Variants in PCNX2 observed in about 807,000 individuals in gnomAD.
The protein encoded by PCNX2 is pecanex-like protein 2.
A neutral mutation model predicts 223.8 loss-of-function variants in PCNX2; 168 were observed. The observed-to-expected ratio is 0.75, with a 90% CI of 0.66 to 0.85. The LOEUF is 0.85. Among genes scored for constraint, PCNX2 ranks in the 40% least tolerant of loss-of-function variants. PCNX2 has a pLI of 0.00. For missense variants in PCNX2, 2,507 were observed against 2,675.5 expected (o/e 0.94, Z 1.39); for synonymous variants, 1,006 against 1,052.6 (o/e 0.96, Z 0.86).
chr1:233,187,652 C>T (rs180683524), intron 15 of PCNX2, among the ~76,000 whole-genome samples: 12 of 152,292 alleles, frequency 7.9e-5, no homozygotes, highest in East Asian at 5.8e-4. Flanking sequence ...TCAGTGTCAG[C>T]TGACACCATC....
chr1:233,076,072 G>A (rs901509668), intron 23 of PCNX2, among the ~76,000 whole-genome samples: 1 of 152,186 alleles, frequency 6.6e-6, no homozygotes, highest in African/African-American at 2.4e-5. Flanking sequence ...AAATGAAGAG[G>A]CAGACAGTTT....
At chr1:233,015,840 C>T (rs976517320) in intron 27 of PCNX2, among the ~76,000 whole-genome samples, 1 of 151,682 alleles carries the variant, frequency 6.6e-6, no homozygotes, top group African/African-American at 2.4e-5. Flanking sequence ...TTCTGCTGCA[C>T]TCCAGCCTAA....
Position 233,017,027 on chromosome 1 carries a change from A to C in PCNX2, c.4733T>G (p.Ile1578Ser), listed in dbSNP as rs1409395618. Reference protein sequence around the residue: ...YIERDLAMFNINIDDDYVPCL... With the variant: ...YIERDLAMFNSNIDDDYVPCL... ...CGGGACGTAGTCATCATCAATGTTAATGTTGAACATTGCAAGGTCACGCTC... is the reference window on the plus strand; with the variant it reads ...CGGGACGTAGTCATCATCAATGTTACTGTTGAACATTGCAAGGTCACGCTC... The change falls in exon 27 of 34, where the codon ATT becomes AGT. Residue 1578 changes from isoleucine to serine, a missense_variant. Ile to Ser is a moderately radical substitution (Grantham distance 142). Transcript: ENST00000258229. 1 of 1,614,016 alleles carries C rather than the reference A, an allele frequency of 6.2e-7. No individual in the cohort carries two copies. The highest frequency in any genetic ancestry group is 2.2e-5 in the East Asian group (1 of 44,880).
At chr1:233,318,347 A>T in the PCNX2 span, among the ~76,000 whole-genome samples, 6 of 152,038 alleles carry the variant, frequency 3.9e-5, no homozygotes, top group African/African-American at 1.4e-4. Context: ...GCAGTTTTTC[A>T]TCTCTCCTCA....
intron 21 of PCNX2, among the ~76,000 whole-genome samples, chr1:233,111,031 G>A (rs962295284): frequency 6.6e-6 from 1 of 152,266 alleles, no homozygotes; most frequent in Non-Finnish European, 1.5e-5. Context: ...TCCCCTCAAA[G>A]ATTATCCTGT....
intron 26 of PCNX2, among the ~76,000 whole-genome samples, chr1:233,017,636 G>T (rs1207869803): frequency 6.6e-6 from 1 of 150,712 alleles, no homozygotes; most frequent in Admixed American, 6.6e-5. Flanking sequence ...TCTCTTAAGG[G>T]TTATCTTCAA....
chr1:233,284,917 G>T (rs1481294965), intron 1 of PCNX2: 3 of 957,930 alleles, frequency 3.1e-6, no homozygotes, highest in Non-Finnish European at 3.7e-6. Flanking sequence ...AGGGTCATGG[G>T]GGGGATGATA....
intron 21 of PCNX2, among the ~76,000 whole-genome samples, chr1:233,118,172 G>A (rs943547830): frequency 6.6e-6 from 1 of 152,052 alleles, no homozygotes; most frequent in South Asian, 2.1e-4. Flanking sequence ...AAAAGCATTT[G>A]ACAAAATGGA....
intron 13 of PCNX2, chr1:233,202,088 A>T: frequency 2.3e-6 from 1 of 431,890 alleles, no homozygotes; most frequent in Non-Finnish European, 4.7e-6. Context: ...GAGGGAGTCC[A>T]TGTGTCTCAT....
intron 10 of PCNX2, among the ~76,000 whole-genome samples, chr1:233,219,558 G>A (rs1207619396): frequency 6.6e-6 from 1 of 151,986 alleles, no homozygotes; most frequent in Non-Finnish European, 1.5e-5. Flanking sequence ...ACCCCACTAA[G>A]CTGATATTGT....
At chr1:233,182,449 C>T (rs1437357081) in intron 15 of PCNX2, among the ~76,000 whole-genome samples, 1 of 152,130 alleles carries the variant, frequency 6.6e-6, no homozygotes, top group African/African-American at 2.4e-5. Context: ...TACCCCACCC[C>T]ACAGATCCCA....
At chr1:233,078,589 T>TC (rs1205220638) in intron 23 of PCNX2, among the ~76,000 whole-genome samples, 1 of 152,166 alleles carries the variant, frequency 6.6e-6, no homozygotes, top group Non-Finnish European at 1.5e-5. Context: ...CCTGCGACCA[T>TC]CCATCTACCT....
chr1:233,135,151 C>T lies in PCNX2; in HGVS notation c.3699G>A (p.Leu1233=), dbSNP rs1676732367. 1 of 1,613,764 alleles carries T rather than the reference C, an allele frequency of 6.2e-7. No individual in the cohort carries two copies. The highest frequency in any genetic ancestry group is 8.5e-7 in the Non-Finnish European group (1 of 1,179,858). Residue 1233 remains leucine (L), a synonymous_variant, in exon 21 of 34, where the codon CTG becomes CTA. Transcript: ENST00000258229. ...CCGGGTTGCAGAATGATGTCCGCAA[C>T]AGCTTCATGCCAGCAATGATCATCA... is the stretch of plus-strand genomic sequence containing the variant. The part of the protein sequence containing the change: ...IFLMIIAGMK[L]LRTSFCNPVY...
intron 19 of PCNX2, among the ~76,000 whole-genome samples, chr1:233,157,067 C>T (rs1185119142): frequency 1.3e-5 from 2 of 152,154 alleles, no homozygotes; most frequent in Non-Finnish European, 2.9e-5. Context: ...TGCCTAGAAT[C>T]GATTGTGGAA....
chr1:233,128,877 G>A (rs965431629), intron 21 of PCNX2, among the ~76,000 whole-genome samples: 16 of 152,240 alleles, frequency 1.1e-4, no homozygotes, highest in African/African-American at 3.9e-4. Flanking sequence ...GAGCGAGGAA[G>A]AAGGATGTGT....
At chr1:233,010,235 T>C (rs1184358820) in intron 28 of PCNX2, among the ~76,000 whole-genome samples, 1 of 152,216 alleles carries the variant, frequency 6.6e-6, no homozygotes, top group Non-Finnish European at 1.5e-5. Context: ...AGAGAATATT[T>C]CCTCAACACG....
intron 9 of PCNX2, chr1:233,231,785 A>G: frequency 2.1e-6 from 1 of 485,492 alleles, no homozygotes; most frequent in Non-Finnish European, 2.7e-6. Context: ...ATTTTGAGAA[A>G]TCACAGAGTG....
chr1:233,262,331 T>G (rs1203641208), intron 2 of PCNX2, among the ~76,000 whole-genome samples, 166 bp from the exon 3 acceptor site: 2 of 152,150 alleles, frequency 1.3e-5, no homozygotes, highest in African/African-American at 2.4e-5. Flanking sequence ...TCGCTCTGTC[T>G]GGGTAGACTG....
At chr1:233,015,020 C>T (rs1173390201) in intron 27 of PCNX2, among the ~76,000 whole-genome samples, 1 of 152,110 alleles carries the variant, frequency 6.6e-6, no homozygotes, top group Non-Finnish European at 1.5e-5. Context: ...ACAATGTGGG[C>T]TGATGATCTG....
Sources: allele counts gnomAD v4.1 joint callset (sites outside exome capture counted in the v4.1 genomes callset), GRCh38; gene constraint gnomAD v4.1.1; transcripts MANE v1.5; gene names NCBI Gene and HGNC (gene_info 2026-07-23, HGNC 2026-07-21).